Variants in MAF observed in about 807,000 individuals in gnomAD.
The protein encoded by MAF is transcription factor Maf.
A neutral mutation model predicts 22.0 loss-of-function variants in MAF; 10 were observed. The observed-to-expected ratio is 0.45, with a 90% CI of 0.28 to 0.77. The LOEUF is 0.77. Among genes scored for constraint, MAF ranks in the 30% least tolerant of loss-of-function variants. MAF has a pLI of 0.12. For synonymous variants in MAF, 337 were observed against 255.8 expected, an observed-to-expected ratio of 1.32 and a Z score of -3.03; for missense variants, 544 against 548.4, an observed-to-expected ratio of 0.99 and a Z score of 0.08.
the MAF span, among the ~76,000 whole-genome samples, chr16:79,495,527 G>A: frequency 6.6e-6 from 1 of 152,142 alleles, no homozygotes. Context: ...AAGCTCTCAT[G>A]CCAGAAACCA....
the MAF span, among the ~76,000 whole-genome samples, chr16:79,208,524 A>C: frequency 6.6e-6 from 1 of 152,202 alleles, no homozygotes; most frequent in Admixed American, 6.5e-5. Flanking sequence ...GGAGTTGTTA[A>C]CATTATTTCC....
the MAF span, among the ~76,000 whole-genome samples, chr16:79,318,613 G>A: frequency 3.9e-5 from 6 of 152,182 alleles, no homozygotes; most frequent in Middle Eastern, 3.2e-3. Context: ...AACATCACTA[G>A]TTCTGGGAAG....
chr16:79,318,309 G>C, the MAF span, among the ~76,000 whole-genome samples: 1 of 152,126 alleles, frequency 6.6e-6, no homozygotes, highest in Non-Finnish European at 1.5e-5. Flanking sequence ...AAATGGTAAG[G>C]AGCAACTTGG....
At chr16:79,342,600 T>C in the MAF span, among the ~76,000 whole-genome samples, 5 of 151,726 alleles carry the variant, frequency 3.3e-5, no homozygotes, top group African/African-American at 7.3e-5. Context: ...ATCACCATCA[T>C]CATCATTGTC....
chr16:79,264,522 C>G, the MAF span: 4 of 152,244 alleles, frequency 2.6e-5, no homozygotes, highest in Non-Finnish European at 5.9e-5. Flanking sequence ...AGGGTCAGGC[C>G]TGGTTAGTAC....
chr16:79,475,362 ATGTG>A, the MAF span, among the ~76,000 whole-genome samples: 3 of 148,726 alleles, frequency 2.0e-5, no homozygotes, highest in Admixed American at 6.7e-5. Context: ...ATGTATATAT[ATGTG>A]TGTGTGTGTG....
chr16:79,299,444 A>G, the MAF span, among the ~76,000 whole-genome samples: 1 of 152,164 alleles, frequency 6.6e-6, no homozygotes, highest in Non-Finnish European at 1.5e-5. Context: ...TAAGATAACA[A>G]AAGGTCCTAA....
the MAF span, among the ~76,000 whole-genome samples, chr16:79,252,462 A>G: frequency 7.2e-5 from 11 of 152,084 alleles, no homozygotes; most frequent in African/African-American, 1.4e-4. Context: ...GATCCCTGCT[A>G]TAAAGATTGT....
At chr16:79,227,325 T>C in the MAF span, among the ~76,000 whole-genome samples, 98 of 152,160 alleles carry the variant, frequency 6.4e-4, no homozygotes, top group African/African-American at 2.2e-3. Context: ...CACTCTAGCC[T>C]GGGGGACAGA....
chr16:79,534,233 T>C, the MAF span, among the ~76,000 whole-genome samples: 1 of 152,182 alleles, frequency 6.6e-6, no homozygotes, highest in Admixed American at 6.5e-5. Context: ...AATCCAAATG[T>C]CATTTATTAT....
chr16:79,209,301 C>G, the MAF span, among the ~76,000 whole-genome samples: 1 of 152,204 alleles, frequency 6.6e-6, no homozygotes, highest in African/African-American at 2.4e-5. Flanking sequence ...TGCAGAATTT[C>G]TTAGCAAAAA....
the MAF span, among the ~76,000 whole-genome samples, chr16:79,277,016 T>A: frequency 6.6e-6 from 1 of 152,118 alleles, no homozygotes; most frequent in African/African-American, 2.4e-5. Flanking sequence ...TGCCTGTGTA[T>A]CTAAATCTCT....
the MAF span, among the ~76,000 whole-genome samples, chr16:79,274,793 T>A: frequency 1.3e-5 from 2 of 152,180 alleles, no homozygotes; most frequent in East Asian, 1.9e-4. Flanking sequence ...CTGTGAGTCA[T>A]CATTCTATGG....
the MAF span, among the ~76,000 whole-genome samples, chr16:79,331,538 A>C: frequency 6.6e-6 from 1 of 152,136 alleles, no homozygotes; most frequent in South Asian, 2.1e-4. Flanking sequence ...AAGGTTTCCA[A>C]GACATCCACC....
At chr16:79,220,037 C>T in the MAF span, among the ~76,000 whole-genome samples, 3 of 151,990 alleles carry the variant, frequency 2.0e-5, no homozygotes, top group African/African-American at 7.3e-5. Flanking sequence ...GGGCAGATCA[C>T]CTGAGGTCAG....
At chr16:79,297,631 G>C in the MAF span, among the ~76,000 whole-genome samples, 7 of 152,336 alleles carry the variant, frequency 4.6e-5, no homozygotes, top group Non-Finnish European at 2.9e-5. Context: ...ATACAGAAAA[G>C]TACTTAGTAG....
the MAF span, among the ~76,000 whole-genome samples, chr16:79,377,596 C>T: frequency 1.3e-5 from 2 of 152,138 alleles, no homozygotes; most frequent in East Asian, 3.9e-4. Context: ...ACATGAAGTC[C>T]TTGCCCATGC....
the MAF span, among the ~76,000 whole-genome samples, chr16:79,372,103 G>A: frequency 1.4e-5 from 2 of 142,254 alleles, no homozygotes; most frequent in South Asian, 4.4e-4. Flanking sequence ...CAAGTGCAAT[G>A]CCAGTTTCAG....
At chr16:79,244,077 G>C in the MAF span, among the ~76,000 whole-genome samples, 38 of 151,946 alleles carry the variant, frequency 2.5e-4, 1 homozygote, top group African/African-American at 7.2e-4. Context: ...AAAATAATAA[G>C]AGCTATTTAT....
Sources: allele counts gnomAD v4.1 joint callset (sites outside exome capture counted in the v4.1 genomes callset), GRCh38; gene constraint gnomAD v4.1.1; transcripts MANE v1.5; gene names NCBI Gene and HGNC (gene_info 2026-07-23, HGNC 2026-07-21).